PTPRN2: variants seen among roughly 807,000 people sequenced by gnomAD.
The protein encoded by PTPRN2 is receptor-type tyrosine-protein phosphatase N2.
PTPRN2 carries 74 observed loss-of-function variants against 118.8 expected under a neutral mutation model. The ratio of observed to expected loss-of-function variants is 0.62; its 90% confidence interval spans 0.52 to 0.76. The LOEUF is 0.76. PTPRN2 is among the 30% of genes least tolerant of loss of function. The pLI is 0.00. For missense variants in PTPRN2, 1,481 were observed against 1,394.4 expected, an observed-to-expected ratio of 1.06 and a Z score of -0.99; for synonymous variants, 641 against 608.0, an observed-to-expected ratio of 1.05 and a Z score of -0.80.
chr7:157,742,391 G>C (rs1800685337), intron 12 of PTPRN2, among the ~76,000 whole-genome samples: 1 of 152,122 alleles, frequency 6.6e-6, no homozygotes. Flanking sequence ...TTGGATACAA[G>C]TAGGACAGAA....
chr7:158,143,665 G>A (rs1217316111), intron 6 of PTPRN2, among the ~76,000 whole-genome samples: 2 of 152,214 alleles, frequency 1.3e-5, no homozygotes, highest in Non-Finnish European at 2.9e-5. Flanking sequence ...GAGTGGGGCA[G>A]GAGGGCCCCA....
chr7:157,923,316 C>G (rs1490610193), intron 11 of PTPRN2, among the ~76,000 whole-genome samples: 1 of 152,190 alleles, frequency 6.6e-6, no homozygotes, highest in Admixed American at 6.5e-5. Context: ...ACTGAGAAAA[C>G]AACAGGTGGG....
intron 3 of PTPRN2, among the ~76,000 whole-genome samples, chr7:158,304,799 A>G (rs959659555): frequency 1.3e-5 from 2 of 152,220 alleles, no homozygotes; most frequent in African/African-American, 4.8e-5. Context: ...GGCTTCAGAG[A>G]GAATAGATGG....
At chr7:158,041,275 G>C (rs1259160280) in intron 11 of PTPRN2, among the ~76,000 whole-genome samples, 1 of 152,196 alleles carries the variant, frequency 6.6e-6, no homozygotes, top group Non-Finnish European at 1.5e-5. Context: ...GAATACAAAT[G>C]CATCATCTGT....
chr7:158,057,194 CCCT>C (rs546765835), intron 11 of PTPRN2, among the ~76,000 whole-genome samples: 383 of 152,284 alleles, frequency 2.5e-3, no homozygotes, highest in African/African-American at 9.0e-3. Flanking sequence ...ACCCACCTTT[CCCT>C]CCTTTTTGCT....
At chr7:158,270,770 GT>G (rs1798284346) in intron 3 of PTPRN2, among the ~76,000 whole-genome samples, 1 of 78,610 alleles carries the variant, frequency 1.3e-5, no homozygotes, top group African/African-American at 6.0e-5. Flanking sequence ...GGACCACCCC[GT>G]CCACCTGGAC....
chr7:158,473,799 T>TA (rs1390745190), intron 2 of PTPRN2, among the ~76,000 whole-genome samples: 267 of 77,964 alleles, frequency 3.4e-3, no homozygotes, highest in African/African-American at 0.011. Context: ...ACATTAATTT[T>TA]TAAAAAAAGG....
chr7:157,873,877 C>T (rs1795544487), intron 12 of PTPRN2, among the ~76,000 whole-genome samples: 1 of 152,092 alleles, frequency 6.6e-6, no homozygotes, highest in Admixed American at 6.5e-5. Flanking sequence ...GATGGACGAC[C>T]AGCTGGGCAC....
intron 5 of PTPRN2, among the ~76,000 whole-genome samples, chr7:158,184,445 T>C (rs1459629481): frequency 6.6e-6 from 1 of 152,274 alleles, no homozygotes; most frequent in Non-Finnish European, 1.5e-5. Flanking sequence ...GACTTTGCAC[T>C]CTACAGCATT....
intron 9 of PTPRN2, among the ~76,000 whole-genome samples, chr7:158,131,113 AAC>A (rs147131467): frequency 3.1e-4 from 44 of 142,568 alleles, no homozygotes; most frequent in Non-Finnish European, 6.1e-4. Context: ...ACATCTACCA[AAC>A]ACACACTCAT....
intron 11 of PTPRN2, among the ~76,000 whole-genome samples, chr7:157,991,168 G>C (rs917078330): frequency 6.6e-6 from 1 of 152,216 alleles, no homozygotes; most frequent in African/African-American, 2.4e-5. Context: ...GCCTGATGCA[G>C]CACAGGGCAA....
rs117119083 is a variant in PTPRN2 at position 158,270,060 on chromosome 7, G to C, written c.277+46759C>G. 3.0e-3 allele frequency among the ~76,000 whole-genome samples: 453 copies of C among 152,356 alleles called. 10 individuals carry two copies. Among genetic ancestry groups the C allele is most frequent in the Admixed American group, 0.023 (350 of 15,306 alleles). Reference sequence around the variant, plus strand: ...CTGCAATCTGCCTCTTCTGACCTTGGATGTGCCCCAACCAGAGCTTTTGCA... The same window carrying C: ...CTGCAATCTGCCTCTTCTGACCTTGCATGTGCCCCAACCAGAGCTTTTGCA... On this transcript the variant is annotated intron_variant, in intron 3 of 22. Coordinates refer to ENST00000389418, the MANE Select transcript of PTPRN2 (RefSeq NM_002847.5).
In PTPRN2 at chr7:157,964,403, A is replaced by G. The variant is rs1801761895; in HGVS notation, c.1724-65666T>C. Among the ~76,000 whole-genome samples, 1 of 152,076 alleles carries G rather than the reference A, an allele frequency of 6.6e-6. No homozygotes were observed. Among genetic ancestry groups the G allele is most frequent in the African/African-American group, 2.4e-5 (1 of 41,400 alleles). On this transcript the variant is annotated intron_variant, in intron 11 of 22. Coordinates refer to ENST00000389418, the MANE Select transcript of PTPRN2 (RefSeq NM_002847.5). The surrounding 1 kb of genome is among the most constrained non-coding windows in gnomAD (Gnocchi z 9.0). ...GGATGGTTATTAGCATATTAGGATG[A>G]CATTTGACCCTAACATTCCAGTTTT...
At chr7:158,527,695 C>T (rs1185702385) in intron 1 of PTPRN2, among the ~76,000 whole-genome samples, 1 of 152,180 alleles carries the variant, frequency 6.6e-6, no homozygotes, top group African/African-American at 2.4e-5. Context: ...GTGGGGGGGT[C>T]TCACAGCAGC....
At chr7:158,398,549 CTCT>C (rs1249537904) in intron 2 of PTPRN2, among the ~76,000 whole-genome samples, 2 of 152,202 alleles carry the variant, frequency 1.3e-5, no homozygotes, top group Non-Finnish European at 2.9e-5. Flanking sequence ...AGTTAACTCT[CTCT>C]TCTTATTTTA....
intron 12 of PTPRN2, among the ~76,000 whole-genome samples, chr7:157,761,388 G>C (rs1211112254): frequency 6.7e-6 from 1 of 149,712 alleles, no homozygotes; most frequent in Non-Finnish European, 1.5e-5. Context: ...CATGGTACTG[G>C]TACCAAAACA....
chr7:158,162,109 A>G (rs1436648324), intron 6 of PTPRN2, among the ~76,000 whole-genome samples: 5 of 152,224 alleles, frequency 3.3e-5, no homozygotes, highest in Non-Finnish European at 7.3e-5. Context: ...GATGTGGAGC[A>G]ACAGCAGCTC....
chr7:157,755,718 C>T (rs950537735), intron 12 of PTPRN2, among the ~76,000 whole-genome samples: 1 of 151,886 alleles, frequency 6.6e-6, no homozygotes, highest in African/African-American at 2.4e-5. Flanking sequence ...ACACTGGGGA[C>T]CCCCAGAGGG....
In PTPRN2 at chr7:157,615,562, GGAACCAGCGCCTGGGAAGT is replaced by G; in HGVS notation, c.2344+5781_2344+5799del. On this transcript the variant is annotated intron_variant, in intron 15 of 22. Transcript: ENST00000389418. This position sits in a 1 kb window ranked among gnomAD's most constrained non-coding sequence, Gnocchi z 4.3. Reference sequence around the variant, plus strand: ...GGGCCGTGGAAACAATCTCAGCCCTGGAACCAGCGCCTGGGAAGTCCCGCGGTGGATCCGCGTCACGGGG... The same window carrying G: ...GGGCCGTGGAAACAATCTCAGCCCTGCCCGCGGTGGATCCGCGTCACGGGG... The G allele has an allele frequency of 2.1e-6, 1 of 471,242 alleles. No homozygotes were observed. The highest frequency in any genetic ancestry group is 4.4e-6 in the Non-Finnish European group (1 of 227,072). The allele number at this position is 471,242 out of a possible 1,614,324, so 29.2% of individuals were successfully genotyped here.
Sources: gnomAD v4.1 joint callset for allele counts (sites outside exome capture counted in the v4.1 genomes callset) on GRCh38, gnomAD v4.1.1 for gene constraint, Gnocchi (gnomAD v3.1) non-coding constraint, MANE v1.5 for transcripts, NCBI Gene and HGNC (gene_info 2026-07-23, HGNC 2026-07-21) for gene names.